The following CFAP299 variants were observed in gnomAD, a reference collection of about 807,000 sequenced individuals.
CFAP299 encodes cilia and flagella associated protein 299, also known as cilia- and flagella-associated protein 299.
A neutral mutation model predicts 27.0 loss-of-function variants in CFAP299; 21 were observed. The ratio of observed to expected loss-of-function variants is 0.78; its 90% CI spans 0.55 to 1.12. CFAP299 has a LOEUF of 1.12. CFAP299 is among the 50% of genes most tolerant of loss of function. CFAP299 has a pLI of 0.00. For missense variants in CFAP299, 310 were observed against 276.6 expected (o/e 1.12, Z -0.86); for synonymous variants, 104 against 98.1 (o/e 1.06, Z -0.36).
chr4:80,872,893 T>C (rs1357055627), intron 4 of CFAP299: 1 of 965,174 alleles, frequency 1.0e-6, no homozygotes, highest in East Asian at 1.1e-4. Context: ...TATTTCAAAA[T>C]ATCATCTCTC....
At chr4:80,688,133 A>G (rs1235704804) in intron 3 of CFAP299, among the ~76,000 whole-genome samples, 1 of 152,244 alleles carries the variant, frequency 6.6e-6, no homozygotes, top group East Asian at 1.9e-4. Context: ...GCCATTGCCC[A>G]GGCTTGCTTA....
intron 3 of CFAP299, among the ~76,000 whole-genome samples, chr4:80,664,423 T>C (rs1741034632): frequency 6.6e-6 from 1 of 152,124 alleles, no homozygotes; most frequent in African/African-American, 2.4e-5. Context: ...TGCCTTTCTT[T>C]CAGAGATGCC....
At chr4:80,398,932 A>G (rs542487353) in intron 2 of CFAP299, among the ~76,000 whole-genome samples, 26 of 152,318 alleles carry the variant, frequency 1.7e-4, no homozygotes, top group African/African-American at 5.8e-4. Context: ...AAGTTTTGCA[A>G]TCTACTCATC....
intron 3 of CFAP299, among the ~76,000 whole-genome samples, chr4:80,592,847 A>G (rs1736853766): frequency 6.6e-6 from 1 of 152,190 alleles, no homozygotes; most frequent in Non-Finnish European, 1.5e-5. Flanking sequence ...CCAGTTGAAT[A>G]TAATTTAATA....
intron 3 of CFAP299, among the ~76,000 whole-genome samples, chr4:80,586,226 C>T (rs1303473794): frequency 6.6e-6 from 1 of 151,778 alleles, no homozygotes; most frequent in Non-Finnish European, 1.5e-5. Context: ...ATTTGTCACA[C>T]TGTATGATAC....
chr4:80,679,970 C>G (rs1719734332), intron 3 of CFAP299, among the ~76,000 whole-genome samples: 1 of 151,966 alleles, frequency 6.6e-6, no homozygotes, highest in African/African-American at 2.4e-5. Context: ...TGGGAACACC[C>G]CACATGTCAT....
At chr4:80,671,028 C>T (rs1741448184) in intron 3 of CFAP299, among the ~76,000 whole-genome samples, 1 of 152,098 alleles carries the variant, frequency 6.6e-6, no homozygotes, top group Non-Finnish European at 1.5e-5. Context: ...CTTTTGTTGC[C>T]ATTGCTTTTG....
chr4:80,511,548 A>G (rs762319849), intron 2 of CFAP299, among the ~76,000 whole-genome samples: 1 of 152,170 alleles, frequency 6.6e-6, no homozygotes, highest in Non-Finnish European at 1.5e-5. Context: ...TTAAATGAAT[A>G]TGACTGACAC....
chr4:80,641,568 A>T (rs183922866), intron 3 of CFAP299, among the ~76,000 whole-genome samples: 1 of 152,316 alleles, frequency 6.6e-6, no homozygotes, highest in East Asian at 1.9e-4. Flanking sequence ...ATTTTGCCCT[A>T]TTTATCAACT....
At chr4:80,603,965 C>T (rs1281039367) in intron 3 of CFAP299, among the ~76,000 whole-genome samples, 1 of 152,014 alleles carries the variant, frequency 6.6e-6, no homozygotes, top group Non-Finnish European at 1.5e-5. Flanking sequence ...AACATGTTAC[C>T]TCATGTGGTA....
At chr4:80,784,564 C>T (rs1236674882) in intron 3 of CFAP299, among the ~76,000 whole-genome samples, 1 of 151,856 alleles carries the variant, frequency 6.6e-6, no homozygotes, top group Non-Finnish European at 1.5e-5. Flanking sequence ...GTTGCCCAGG[C>T]TGGAGTGCAA....
intron 2 of CFAP299, among the ~76,000 whole-genome samples, chr4:80,544,706 A>C (rs917134519): frequency 2.6e-5 from 4 of 152,234 alleles, no homozygotes. Flanking sequence ...GAGCACCCAG[A>C]TTCATAAAAT....
chr4:80,745,752 G>A (rs571959113), intron 3 of CFAP299, among the ~76,000 whole-genome samples: 218 of 151,662 alleles, frequency 1.4e-3, no homozygotes, highest in Non-Finnish European at 2.8e-3. Flanking sequence ...TTCTCTTCCC[G>A]GATCCCATCC....
intron 2 of CFAP299, among the ~76,000 whole-genome samples, chr4:80,434,203 G>T (rs1278913916): frequency 2.0e-5 from 3 of 152,018 alleles, no homozygotes; most frequent in Non-Finnish European, 4.4e-5. Context: ...ACAAATATTG[G>T]TTCACAATAC....
At chr4:80,765,846 G>A (rs1200783817) in intron 3 of CFAP299, among the ~76,000 whole-genome samples, 3 of 151,980 alleles carry the variant, frequency 2.0e-5, no homozygotes, top group African/African-American at 7.3e-5. Context: ...TACGAATTGA[G>A]ACCATAGAAT....
chr4:80,458,729 C>T (rs1293721348), intron 2 of CFAP299, among the ~76,000 whole-genome samples: 1 of 152,126 alleles, frequency 6.6e-6, no homozygotes, highest in Non-Finnish European at 1.5e-5. Flanking sequence ...CAGCCTTCCC[C>T]TCCAGGATCT....
At chr4:80,632,747 A>G (rs760779192) in intron 3 of CFAP299, among the ~76,000 whole-genome samples, 26 of 151,990 alleles carry the variant, frequency 1.7e-4, no homozygotes, top group Non-Finnish European at 3.4e-4. Context: ...ACACTTAAAC[A>G]TCACAGAACT....
intron 1 of CFAP299, among the ~76,000 whole-genome samples, chr4:80,347,392 A>G (rs1026560026): frequency 3.3e-5 from 5 of 151,856 alleles, no homozygotes; most frequent in Non-Finnish European, 7.4e-5. Context: ...CCCATTCAGT[A>G]CAGCCCACAG....
intron 2 of CFAP299, among the ~76,000 whole-genome samples, chr4:80,520,861 A>G (rs1732873058): frequency 6.6e-6 from 1 of 152,200 alleles, no homozygotes; most frequent in East Asian, 1.9e-4. Flanking sequence ...AAGACAATTT[A>G]TGACAAGCAA....
Sources: allele counts gnomAD v4.1 joint callset (sites outside exome capture counted in the v4.1 genomes callset), GRCh38; gene constraint gnomAD v4.1.1; transcripts MANE v1.5; gene names NCBI Gene and HGNC (gene_info 2026-07-23, HGNC 2026-07-21).